The following NRXN3 variants were observed in gnomAD, a reference collection of about 807,000 sequenced individuals.
NRXN3 encodes neurexin 3.
NRXN3 carries 32 observed loss-of-function variants against 137.6 expected under a neutral mutation model. The ratio of observed to expected loss-of-function variants is 0.23; its 90% confidence interval spans 0.18 to 0.31. The LOEUF is 0.31. NRXN3 is among the 10% of genes least tolerant of loss of function. The pLI, the probability that NRXN3 is intolerant of heterozygous loss-of-function variation, is 1.00. For synonymous variants in NRXN3, 798 were observed against 784.5 expected (o/e 1.02, Z -0.29); for missense variants, 1,574 against 2,062.5 (o/e 0.76, Z 4.59).
chr14:78,992,650 T>C (rs2099521222), intron 15 of NRXN3, among the ~76,000 whole-genome samples: 1 of 152,210 alleles, frequency 6.6e-6, no homozygotes, highest in South Asian at 2.1e-4. Flanking sequence ...CCCTCCTGCA[T>C]GCACCCACAC....
chr14:79,573,319 G>C (rs2097629366), intron 16 of NRXN3, among the ~76,000 whole-genome samples: 1 of 152,094 alleles, frequency 6.6e-6, no homozygotes, highest in Non-Finnish European at 1.5e-5. Context: ...GTGTAGGGCA[G>C]GTGTAACAAC....
intron 1 of NRXN3, among the ~76,000 whole-genome samples, chr14:78,222,606 T>G (rs2063982056): frequency 6.6e-6 from 1 of 152,160 alleles, no homozygotes; most frequent in South Asian, 2.1e-4. Context: ...GGAACTTTTT[T>G]TTTTCCTTTT....
chr14:79,848,690 C>T (rs1603619410), intron 20 of NRXN3, among the ~76,000 whole-genome samples: 1 of 152,138 alleles, frequency 6.6e-6, no homozygotes, highest in East Asian at 1.9e-4. Flanking sequence ...CCAAGATTCT[C>T]CTGACTTTAT....
intron 4 of NRXN3, among the ~76,000 whole-genome samples, chr14:78,379,525 A>T (rs938547389): frequency 1.3e-5 from 2 of 152,242 alleles, no homozygotes; most frequent in African/African-American, 4.8e-5. Flanking sequence ...GATTATATCA[A>T]TTGATGCAGA....
chr14:78,533,770 G>A (rs545583767), intron 4 of NRXN3, among the ~76,000 whole-genome samples: 3 of 152,260 alleles, frequency 2.0e-5, no homozygotes, highest in East Asian at 1.9e-4. Context: ...TTCTCCATCC[G>A]TTACCAAGGT....
At chr14:79,530,594 T>G (rs889138651) in intron 16 of NRXN3, among the ~76,000 whole-genome samples, 7 of 82,830 alleles carry the variant, frequency 8.5e-5, no homozygotes, top group Admixed American at 2.0e-4. Context: ...AGGTTTTTTG[T>G]TTTTTTTTTT....
chr14:79,399,809 A>G (rs890751536), intron 15 of NRXN3, among the ~76,000 whole-genome samples: 1 of 152,184 alleles, frequency 6.6e-6, no homozygotes, highest in African/African-American at 2.4e-5. Context: ...TCGGGAGAAT[A>G]GAAGGCCAAA....
chr14:79,232,546 A>G (rs950361426), intron 15 of NRXN3, among the ~76,000 whole-genome samples: 1 of 152,166 alleles, frequency 6.6e-6, no homozygotes, highest in Non-Finnish European at 1.5e-5. Context: ...TCTTAATATT[A>G]GAGTACCATC....
intron 16 of NRXN3, among the ~76,000 whole-genome samples, chr14:79,505,795 CT>C (rs2096872810): frequency 6.6e-6 from 1 of 152,152 alleles, no homozygotes; most frequent in East Asian, 1.9e-4. Flanking sequence ...TGTGTATTAG[CT>C]TTTGATTGCT....
intron 4 of NRXN3, among the ~76,000 whole-genome samples, chr14:78,312,775 T>C (rs946902595): frequency 2.6e-5 from 4 of 152,182 alleles, no homozygotes; most frequent in Admixed American, 2.6e-4. Context: ...CAAAATTGCC[T>C]TCCTTCAGAC....
chr14:78,701,536 A>T (rs1041738977), intron 6 of NRXN3, among the ~76,000 whole-genome samples: 2 of 152,070 alleles, frequency 1.3e-5, no homozygotes, highest in African/African-American at 4.8e-5. Context: ...TGCTACTTCA[A>T]CGTCAGTTTC....
At chr14:79,386,740 G>T (rs374409181) in intron 15 of NRXN3, among the ~76,000 whole-genome samples, 1 of 152,074 alleles carries the variant, frequency 6.6e-6, no homozygotes, top group Admixed American at 6.6e-5. Context: ...CATGGTACTG[G>T]TACCAAAACA....
intron 16 of NRXN3, among the ~76,000 whole-genome samples, chr14:79,642,414 C>T (rs866517219): frequency 1.5e-5 from 2 of 135,742 alleles, no homozygotes; most frequent in African/African-American, 4.9e-5. Context: ...AATTCACATT[C>T]GTTGAGATTT....
Position 79,864,805 on chromosome 14 carries a change from G to T in NRXN3, c.*2841G>T, listed in dbSNP as rs892597000. ...CTCGCTCTGTCGCCCGGGCTGGAGT[G>T]CAGTGGCACGATCTCGGCTCACTGC... On this transcript the variant is annotated 3_prime_UTR_variant, in exon 21 of 21. Coordinates refer to ENST00000335750, the MANE Select transcript of NRXN3 (RefSeq NM_001330195.2). The T allele has an allele frequency of 1.3e-5, 2 of 151,838 alleles. No homozygotes were observed. The highest frequency in any genetic ancestry group is 3.9e-4 in the East Asian group (2 of 5,154). 9.4% of individuals were successfully genotyped at this position (151,838 alleles called of 1,614,324 possible).
intron 4 of NRXN3, among the ~76,000 whole-genome samples, chr14:78,643,394 A>C (rs1434854378): frequency 6.6e-6 from 1 of 152,196 alleles, no homozygotes; most frequent in Admixed American, 6.5e-5. Flanking sequence ...TTTAGTAATG[A>C]GGTGCTTTTG....
At chr14:78,405,752 G>C (rs1302480867) in intron 4 of NRXN3, among the ~76,000 whole-genome samples, 2 of 152,128 alleles carry the variant, frequency 1.3e-5, no homozygotes, top group African/African-American at 4.8e-5. Flanking sequence ...GGAGCTGGGG[G>C]ACACATTCAT....
chr14:79,767,641 A>G (rs2099060527), intron 19 of NRXN3, among the ~76,000 whole-genome samples: 1 of 152,272 alleles, frequency 6.6e-6, no homozygotes, highest in Non-Finnish European at 1.5e-5. Flanking sequence ...CATTATATGT[A>G]TTAATTCACT....
chr14:78,562,667 A>G (rs986631303), intron 4 of NRXN3, among the ~76,000 whole-genome samples: 4 of 152,336 alleles, frequency 2.6e-5, no homozygotes, highest in East Asian at 3.9e-4. Context: ...CCAGGCTACA[A>G]TGGACTGTAA....
intron 15 of NRXN3, among the ~76,000 whole-genome samples, chr14:79,097,673 A>G (rs1057181722): frequency 1.3e-5 from 2 of 152,204 alleles, no homozygotes; most frequent in Non-Finnish European, 2.9e-5. Context: ...TTCAATCGAT[A>G]TGGCAGAAAT....
Sources: allele counts gnomAD v4.1 joint callset (sites outside exome capture counted in the v4.1 genomes callset), GRCh38; gene constraint gnomAD v4.1.1; transcripts MANE v1.5; gene names NCBI Gene and HGNC (gene_info 2026-07-23, HGNC 2026-07-21).